The following SKIC3 variants were observed in gnomAD, a reference collection of about 807,000 sequenced individuals.
The protein encoded by SKIC3 is SKI3 subunit of superkiller complex.
the SKIC3 span, among the ~76,000 whole-genome samples, chr5:95,486,760 T>C: frequency 1.3e-5 from 2 of 152,258 alleles, no homozygotes; most frequent in South Asian, 4.1e-4. Context: ...ATGTATCACA[T>C]TGTTGGCCTG....
the SKIC3 span, chr5:95,540,710 T>C: frequency 6.2e-7 from 1 of 1,614,146 alleles, no homozygotes; most frequent in Non-Finnish European, 8.5e-7. Context: ...GTTTCATTAT[T>C]CTGGTCCTCT....
At chr5:95,489,877 T>A in the SKIC3 span, among the ~76,000 whole-genome samples, 9 of 152,128 alleles carry the variant, frequency 5.9e-5, no homozygotes, top group African/African-American at 1.9e-4. Flanking sequence ...ACTTAATAAA[T>A]TCATTTTATT....
At chr5:95,515,821 T>C in the SKIC3 span, among the ~76,000 whole-genome samples, 1,895 of 152,196 alleles carry the variant, frequency 0.012, 43 homozygotes, top group African/African-American at 0.044. Context: ...ATGGAAACTT[T>C]CCAAACATGA....
At chr5:95,512,336 T>G in the SKIC3 span, 1 of 899,802 alleles carries the variant, frequency 1.1e-6, no homozygotes, top group Non-Finnish European at 1.7e-6. Context: ...AAGTAAAGAC[T>G]GCTTCGCTGT....
the SKIC3 span, among the ~76,000 whole-genome samples, chr5:95,536,190 A>T: frequency 1.3e-5 from 2 of 152,242 alleles, no homozygotes; most frequent in African/African-American, 4.8e-5. Flanking sequence ...ATACAAGAGC[A>T]TGAAGCATAC....
At chr5:95,542,486 A>G in the SKIC3 span, among the ~76,000 whole-genome samples, 1 of 152,166 alleles carries the variant, frequency 6.6e-6, no homozygotes, top group Non-Finnish European at 1.5e-5. Flanking sequence ...CCTTTATGAT[A>G]TGATCAAACA....
At chr5:95,503,151 AT>A in the SKIC3 span, 1 of 874,580 alleles carries the variant, frequency 1.1e-6, no homozygotes, top group Non-Finnish European at 1.7e-6. Context: ...TAGAATAAAA[AT>A]TTATAATAAT....
chr5:95,550,445 T>C, the SKIC3 span: 1 of 150,354 alleles, frequency 6.7e-6, no homozygotes, highest in African/African-American at 2.5e-5. Context: ...AAAGGTATTT[T>C]GTAATGACCC....
At chr5:95,500,524 A>C in the SKIC3 span, among the ~76,000 whole-genome samples, 1 of 152,204 alleles carries the variant, frequency 6.6e-6, no homozygotes, top group African/African-American at 2.4e-5. Flanking sequence ...TATTTTATAC[A>C]TCACTAACCA....
the SKIC3 span, chr5:95,530,338 CCA>C: frequency 3.3e-6 from 4 of 1,199,640 alleles, no homozygotes; most frequent in Non-Finnish European, 4.7e-6. Context: ...GCATTCTTCA[CCA>C]CATGCTGACT....
chr5:95,511,941 C>T, the SKIC3 span, among the ~76,000 whole-genome samples: 5 of 152,314 alleles, frequency 3.3e-5, no homozygotes, highest in African/African-American at 1.2e-4. Context: ...TAAAATTTCA[C>T]CACTCTGTCA....
At chr5:95,516,503 CAT>C in the SKIC3 span, 1 of 1,613,028 alleles carries the variant, frequency 6.2e-7, no homozygotes, top group Non-Finnish European at 8.5e-7. Context: ...AGTTCTTTTT[CAT>C]AGACACATAG....
the SKIC3 span, chr5:95,541,679 T>A: frequency 1.4e-6 from 1 of 698,226 alleles, no homozygotes; most frequent in Non-Finnish European, 2.4e-6. Context: ...CACAAAAGAT[T>A]CTACGACAAA....
the SKIC3 span, chr5:95,517,054 A>G: frequency 3.1e-6 from 5 of 1,613,702 alleles, no homozygotes; most frequent in Admixed American, 3.3e-5. Context: ...ATGCACGACC[A>G]TAACACCTAC....
chr5:95,478,459 GAGA>G, the SKIC3 span: 1 of 1,613,622 alleles, frequency 6.2e-7, no homozygotes, highest in Non-Finnish European at 8.5e-7. Context: ...AACAAAAAAG[GAGA>G]AGGAGGCAAA....
the SKIC3 span, chr5:95,498,345 C>T: frequency 6.2e-7 from 1 of 1,605,002 alleles, no homozygotes; most frequent in Non-Finnish European, 8.5e-7. Flanking sequence ...TAATTAGGTT[C>T]CAGGTTCACA....
chr5:95,481,695 C>G, the SKIC3 span, among the ~76,000 whole-genome samples: 1 of 151,842 alleles, frequency 6.6e-6, no homozygotes, highest in African/African-American at 2.4e-5. Flanking sequence ...AAAACTTACT[C>G]TAAGAAAGGG....
At chr5:95,469,055 T>C in the SKIC3 span, among the ~76,000 whole-genome samples, 6 of 152,332 alleles carry the variant, frequency 3.9e-5, no homozygotes, top group Admixed American at 2.0e-4. Flanking sequence ...CATATTTATA[T>C]GTACTAACCT....
the SKIC3 span, chr5:95,468,041 T>C: frequency 1.2e-6 from 2 of 1,602,892 alleles, no homozygotes; most frequent in Non-Finnish European, 1.7e-6. Flanking sequence ...TACCATAAGA[T>C]ATTTCCTATA....
Sources: allele counts gnomAD v4.1 joint callset (sites outside exome capture counted in the v4.1 genomes callset), GRCh38; gene constraint gnomAD v4.1.1; transcripts MANE v1.5; gene names NCBI Gene and HGNC (gene_info 2026-07-23, HGNC 2026-07-21).